Variants in ABCD2 observed in about 807,000 individuals in gnomAD.
ABCD2 encodes ATP binding cassette subfamily D member 2, also known as ATP-binding cassette sub-family D member 2.
ABCD2 carries 36 observed loss-of-function variants against 70.9 expected under a neutral mutation model. The observed-to-expected ratio is 0.51, with a 90% CI of 0.39 to 0.67. The LOEUF is 0.67. Ranked by LOEUF, ABCD2 falls within the 30% of genes least tolerant of loss-of-function variation. The pLI is 0.00. For missense variants in ABCD2, 729 were observed against 890.2 expected (o/e 0.82, Z 2.30); for synonymous variants, 304 against 306.9 (o/e 0.99, Z 0.10).
At chr12:39,574,614 CT>C (rs1226883237) in intron 8 of ABCD2, among the ~76,000 whole-genome samples, 1 of 152,022 alleles carries the variant, frequency 6.6e-6, no homozygotes, top group Non-Finnish European at 1.5e-5. Flanking sequence ...TCCCTCTGGA[CT>C]GTTGGTACTT....
chr12:39,610,001 G>A (rs1942023771), intron 2 of ABCD2, among the ~76,000 whole-genome samples: 1 of 152,128 alleles, frequency 6.6e-6, no homozygotes, highest in Non-Finnish European at 1.5e-5. Context: ...TTAATGCAAG[G>A]TGTTTGGAGA....
intron 6 of ABCD2, among the ~76,000 whole-genome samples, chr12:39,594,679 T>C (rs1941791107): frequency 6.6e-6 from 1 of 152,160 alleles, no homozygotes; most frequent in Non-Finnish European, 1.5e-5. Flanking sequence ...GAAAAACAGT[T>C]GAAGAATACA....
intron 8 of ABCD2, among the ~76,000 whole-genome samples, chr12:39,578,415 A>C (rs1241307250): frequency 1.3e-5 from 2 of 148,816 alleles, no homozygotes; most frequent in African/African-American, 5.0e-5. Flanking sequence ...CGGAGCTTGC[A>C]GTGAGCCGAG....
intron 9 of ABCD2, among the ~76,000 whole-genome samples, chr12:39,568,773 CT>C (rs921702412): frequency 5.3e-5 from 8 of 152,074 alleles, no homozygotes; most frequent in Non-Finnish European, 2.9e-5. Flanking sequence ...TATCTTTGGT[CT>C]TTGATGATGG....
At chr12:39,563,427 G>A (rs1941290980) in intron 9 of ABCD2, among the ~76,000 whole-genome samples, 1 of 152,004 alleles carries the variant, frequency 6.6e-6, no homozygotes, top group Non-Finnish European at 1.5e-5. Context: ...CATGTTTTCT[G>A]TAAGATACGG....
intron 4 of ABCD2, 55 bp downstream of exon 4, chr12:39,604,707 T>A: frequency 1.4e-6 from 2 of 1,390,482 alleles, no homozygotes; most frequent in Non-Finnish European, 1.9e-6. Context: ...TAAACTTTGG[T>A]TCTGTTGATA....
At chr12:39,610,768 G>A (rs1945722687) in intron 2 of ABCD2, among the ~76,000 whole-genome samples, 1 of 152,160 alleles carries the variant, frequency 6.6e-6, no homozygotes, top group South Asian at 2.1e-4. Context: ...AATAATAAAA[G>A]CTTCCTCCAG....
the ABCD2 span, among the ~76,000 whole-genome samples, chr12:39,543,877 C>A: frequency 6.6e-6 from 1 of 152,156 alleles, no homozygotes; most frequent in African/African-American, 2.4e-5. Context: ...TATCCTCTAT[C>A]AGCTCACACT....
At chr12:39,543,908 G>A in the ABCD2 span, among the ~76,000 whole-genome samples, 1 of 152,104 alleles carries the variant, frequency 6.6e-6, no homozygotes, top group African/African-American at 2.4e-5. Context: ...TAACTCAAAA[G>A]GACTACCTCT....
At chr12:39,544,037 C>A in the ABCD2 span, among the ~76,000 whole-genome samples, 3 of 152,178 alleles carry the variant, frequency 2.0e-5, no homozygotes, top group Non-Finnish European at 4.4e-5. Context: ...AAGAGTAATT[C>A]ATGCAGAGCC....
the ABCD2 span, among the ~76,000 whole-genome samples, chr12:39,537,167 A>T: frequency 6.6e-6 from 1 of 152,180 alleles, no homozygotes; most frequent in African/African-American, 2.4e-5. Context: ...ACACACATGC[A>T]TTGCACCTAC....
intron 9 of ABCD2, among the ~76,000 whole-genome samples, chr12:39,556,834 A>G (rs1941173619): frequency 1.3e-5 from 2 of 152,022 alleles, no homozygotes; most frequent in South Asian, 4.1e-4. Flanking sequence ...AAATACAAAA[A>G]TTAGCTGGGC....
At chr12:39,561,756 C>T (rs1398294713) in intron 9 of ABCD2, among the ~76,000 whole-genome samples, 1 of 152,090 alleles carries the variant, frequency 6.6e-6, no homozygotes, top group Non-Finnish European at 1.5e-5. Context: ...GAGACTTCAA[C>T]ACCCTACTTT....
Position 39,551,823 on chromosome 12 carries a change from G to T in ABCD2, c.*2089C>A, listed in dbSNP as rs1022257198. 6.6e-6 allele frequency: 1 copy of T among 151,472 alleles called. No individual in the cohort carries two copies. Among genetic ancestry groups the T allele is most frequent in the Non-Finnish European group, 1.5e-5 (1 of 67,642 alleles). 9.4% of individuals were successfully genotyped at this position (151,472 alleles called of 1,614,324 possible). A position where few individuals can be genotyped will look rare whatever the true frequency, so the allele number is the denominator to read the frequency against. ...TCAATGTTTCAAAACAAAATTATCA[G>T]GTTGTTTTAAAATTATGTTTTATTT... On this transcript the variant is annotated 3_prime_UTR_variant, in exon 10 of 10. Transcript: ENST00000308666.
intron 8 of ABCD2, among the ~76,000 whole-genome samples, chr12:39,574,122 G>A (rs917858530): frequency 6.6e-6 from 1 of 152,128 alleles, no homozygotes; most frequent in Admixed American, 6.5e-5. Flanking sequence ...ACATAGGAAA[G>A]ATGAGGCAGG....
rs193130812 is a variant in ABCD2, at chr12:39,605,841, A to G, written c.1237-911T>C. On this transcript the variant is annotated intron_variant, in intron 3 of 9. Coordinates refer to ENST00000308666, the MANE Select transcript of ABCD2 (RefSeq NM_005164.4). Reference sequence around the variant, plus strand: ...TAATAAATTGCGGAAAAATACAACAATGCTGACATTTGTGTAAAATTTCTG... The same window carrying G: ...TAATAAATTGCGGAAAAATACAACAGTGCTGACATTTGTGTAAAATTTCTG... Among the ~76,000 whole-genome samples the G allele has an allele frequency of 1.3e-3, 191 of 152,130 alleles. 1 individual carries two copies. Among genetic ancestry groups the G allele is most frequent in the African/African-American group, 4.3e-3 (177 of 41,572 alleles).
At chr12:39,534,930 AAGAAAGAAAGAAAG>A in the ABCD2 span, among the ~76,000 whole-genome samples, 3 of 130,102 alleles carry the variant, frequency 2.3e-5, no homozygotes, top group East Asian at 2.4e-4. Flanking sequence ...GAAAGAAAGA[AAGAAAGAAAGAAAG>A]AAAGAAAACA....
intron 7 of ABCD2, among the ~76,000 whole-genome samples, chr12:39,584,430 T>C (rs58036566): frequency 0.11 from 17,036 of 152,232 alleles, 966 homozygotes; most frequent in East Asian, 0.15. Flanking sequence ...TTTTGTCAGA[T>C]GCATAATTTG....
intron 8 of ABCD2, among the ~76,000 whole-genome samples, chr12:39,579,219 G>C (rs376957776): frequency 2.0e-5 from 3 of 152,032 alleles, no homozygotes; most frequent in African/African-American, 4.8e-5. Context: ...AAAATTAGCC[G>C]GGCGTGGTGG....
Sources: allele counts gnomAD v4.1 joint callset (sites outside exome capture counted in the v4.1 genomes callset), GRCh38; gene constraint gnomAD v4.1.1; transcripts MANE v1.5; gene names NCBI Gene and HGNC (gene_info 2026-07-23, HGNC 2026-07-21).